The following BCL7C variants were observed in gnomAD, a reference collection of about 807,000 sequenced individuals.
BCL7C encodes the protein BAF chromatin remodeling complex subunit BCL7C.
In BCL7C, 8 loss-of-function variants were observed where a neutral mutation model predicts 26.2. The ratio of observed to expected loss-of-function variants is 0.30; its 90% CI spans 0.18 to 0.55. The LOEUF (loss-of-function observed/expected upper bound fraction) is 0.55. Ranked by LOEUF, BCL7C falls within the 20% of genes least tolerant of loss-of-function variation. BCL7C has a pLI of 0.93. For synonymous variants in BCL7C, 90 were observed against 116.5 expected, an observed-to-expected ratio of 0.77 and a Z score of 1.47; for missense variants, 262 against 298.5, an observed-to-expected ratio of 0.88 and a Z score of 0.90.
intron 5 of BCL7C, among the ~76,000 whole-genome samples, chr16:30,856,581 G>A (rs1212014721): frequency 3.3e-5 from 5 of 152,050 alleles, no homozygotes; most frequent in Non-Finnish European, 5.9e-5. Context: ...TGTATTCTAC[G>A]TTGTGCAGCC....
chr16:30,856,309 C>T (rs866244179), intron 5 of BCL7C, among the ~76,000 whole-genome samples: 8 of 151,514 alleles, frequency 5.3e-5, no homozygotes, highest in South Asian at 2.1e-4. Flanking sequence ...AGCATGGTGG[C>T]GGGCACCTGT....
intron 5 of BCL7C, among the ~76,000 whole-genome samples, chr16:30,860,082 GCTACCCTTC>G (rs2054757295): frequency 7.2e-5 from 1 of 13,794 alleles, no homozygotes; most frequent in South Asian, 4.3e-4. Context: ...TCCCTCTCTC[GCTACCCTTC>G]AATCTCCCTG....
downstream of BCL7C, among the ~76,000 whole-genome samples, chr16:30,887,154 C>T (rs1046473807): frequency 2.6e-4 from 39 of 152,036 alleles, no homozygotes; most frequent in Admixed American, 1.5e-3. Context: ...ACTAAAAATA[C>T]AAAAATTAGC....
At chr16:30,843,536 C>T (rs559580268) in intron 5 of BCL7C, among the ~76,000 whole-genome samples, 52 of 149,836 alleles carry the variant, frequency 3.5e-4, no homozygotes, top group South Asian at 6.4e-4. Context: ...ACTCCAGTCT[C>T]GGTGACAGAG....
chr16:30,879,700 A>AAAAAAAACAAAAAAC (rs2055011427), intron 5 of BCL7C, among the ~76,000 whole-genome samples: 1 of 135,004 alleles, frequency 7.4e-6, no homozygotes, highest in African/African-American at 2.6e-5. Flanking sequence ...AAAAAAAAAA[A>AAAAAAAACAAAAAAC]AAAAAAAAAC....
intron 5 of BCL7C, among the ~76,000 whole-genome samples, chr16:30,846,121 A>C (rs932979376): frequency 6.7e-6 from 1 of 150,060 alleles, no homozygotes; most frequent in East Asian, 2.0e-4. Context: ...AAAAAAAAAA[A>C]AAAGAAAGAT....
At chr16:30,860,500 A>G (rs1293610908) in intron 5 of BCL7C, among the ~76,000 whole-genome samples, 1 of 151,698 alleles carries the variant, frequency 6.6e-6, no homozygotes, top group East Asian at 1.9e-4. Flanking sequence ...AAAACTTAAA[A>G]CCTCTTCAAC....
intron 4 of BCL7C, among the ~76,000 whole-genome samples, chr16:30,891,535 T>C (rs1183104810): frequency 1.3e-5 from 2 of 152,192 alleles, no homozygotes; most frequent in Non-Finnish European, 2.9e-5. Flanking sequence ...CAGTAAGAGC[T>C]CAATAAATAC....
chr16:30,891,100 CAG>C (rs1387147719), intron 4 of BCL7C, among the ~76,000 whole-genome samples: 4 of 146,902 alleles, frequency 2.7e-5, no homozygotes, highest in African/African-American at 1.0e-4. Context: ...ACCTGGGAGG[CAG>C]AGTTTGCAGT....
At chr16:30,877,615 A>AT (rs1221509469) in intron 5 of BCL7C, among the ~76,000 whole-genome samples, 2 of 149,570 alleles carry the variant, frequency 1.3e-5, no homozygotes, top group Non-Finnish European at 3.0e-5. Flanking sequence ...AATTTGTTGT[A>AT]TTTTTAGTAG....
chr16:30,837,485 T>C (rs1168425382), intron 5 of BCL7C, among the ~76,000 whole-genome samples: 3 of 151,948 alleles, frequency 2.0e-5, no homozygotes, highest in Admixed American at 1.3e-4. Flanking sequence ...GTAGCTGGGA[T>C]TACAGGCGCC....
At chr16:30,857,122 C>T (rs1322042308) in intron 5 of BCL7C, among the ~76,000 whole-genome samples, 3 of 152,110 alleles carry the variant, frequency 2.0e-5, no homozygotes, top group African/African-American at 4.8e-5. Flanking sequence ...GGCACGGTGG[C>T]TTATGCCTGT....
Position 30,887,884 on chromosome 16 carries a change from G to C in BCL7C, c.635C>G (p.Pro212Arg), listed in dbSNP as rs759177676. The C allele has an allele frequency of 2.5e-6, 4 of 1,598,660 alleles. No homozygotes were observed. In the Admixed American group the frequency reaches 6.9e-5, roughly 28 times the overall value. Reference sequence around the variant, plus strand: ...GGCTTCTCAGGGGTCAGGGGCATTTGGGCAGATGCGCTTGAGTGGGGGGGC... The same window carrying C: ...GGCTTCTCAGGGGTCAGGGGCATTTCGGCAGATGCGCTTGAGTGGGGGGGC... ...EGAPPLKRIC[P>R]NAPDP Residue 212 changes from proline to arginine, a missense_variant, in exon 6 of 6, where the codon CCA (proline) becomes CGA (arginine). Coordinates refer to ENST00000215115, the MANE Select transcript of BCL7C (RefSeq NM_004765.4).
chr16:30,863,655 G>A (rs551238601), intron 5 of BCL7C, among the ~76,000 whole-genome samples: 2 of 152,100 alleles, frequency 1.3e-5, no homozygotes, highest in South Asian at 4.2e-4. Flanking sequence ...CATCGGTCAC[G>A]CCCACCTACT....
chr16:30,868,622 C>T (rs1188597232), intron 5 of BCL7C, among the ~76,000 whole-genome samples: 1 of 151,136 alleles, frequency 6.6e-6, no homozygotes, highest in African/African-American at 2.4e-5. Flanking sequence ...CTGGTCTCTA[C>T]TAAAAATACA....
At chr16:30,879,698 A>AAAAAAAAAAAAAAAAAAAAAAAAAAC (rs2055011014) in intron 5 of BCL7C, among the ~76,000 whole-genome samples, 1 of 144,150 alleles carries the variant, frequency 6.9e-6, no homozygotes, top group Non-Finnish European at 1.5e-5. Flanking sequence ...ACAAAAAAAA[A>AAAAAAAAAAAAAAAAAAAAAAAAAAC]AAAAAAAAAA....
In BCL7C at chr16:30,893,388, G is replaced by T; in HGVS notation, c.93-98C>A. 1.1e-6 allele frequency: 1 copy of T among 891,198 alleles called. No individual in the cohort carries two copies. Among genetic ancestry groups the T allele is most frequent in the Non-Finnish European group, 1.7e-6 (1 of 577,488 alleles). The allele number at this position is 891,198 out of a possible 1,614,324, so 55.2% of individuals were successfully genotyped here. ...GGGGGTACCTGCAGAGGTTGAGGAG[G>T]CACAGGAGGATAGCAACAGTTTTGC... On this transcript the variant is annotated intron_variant, in intron 1 of 5. Transcript: ENST00000215115. This position sits in a 1 kb window ranked among gnomAD's most constrained non-coding sequence, Gnocchi z 5.2.
At position 30,888,731 on chromosome 16, in the gene BCL7C, C is replaced by G; in HGVS notation, c.528+129G>C. 19 of 792,702 alleles carry G rather than the reference C, an allele frequency of 2.4e-5. 1 individual carries two copies. The South Asian group carries it at 3.2e-4, about 13-fold the overall frequency. The allele number at this position is 792,702 out of a possible 1,614,324, so 49.1% of individuals were successfully genotyped here. A position where few individuals can be genotyped will look rare whatever the true frequency, so the allele number is the denominator to read the frequency against. The stretch of plus-strand genomic sequence containing the variant: ...TTTTTCAGTCCCAAGAACCCAGCCC[C>G]TAAGCCTTCAGCTCTGTCCCAGGTC... On this transcript the variant is annotated intron_variant, in intron 5 of 5. Coordinates refer to ENST00000215115, the MANE Select transcript of BCL7C (RefSeq NM_004765.4).
chr16:30,885,501 T>G (rs2055119140), downstream of BCL7C, among the ~76,000 whole-genome samples: 1 of 151,628 alleles, frequency 6.6e-6, no homozygotes, highest in South Asian at 2.1e-4. Flanking sequence ...CCTCCCGGAT[T>G]CAAGCAGTTC....
Sources: allele counts gnomAD v4.1 joint callset (sites outside exome capture counted in the v4.1 genomes callset), GRCh38; gene constraint gnomAD v4.1.1; non-coding constraint Gnocchi (gnomAD v3.1); transcripts MANE v1.5; gene names NCBI Gene and HGNC (gene_info 2026-07-23, HGNC 2026-07-21).